The following TNNC1 variants were observed in gnomAD, a reference collection of about 807,000 sequenced individuals.
The protein encoded by TNNC1 is troponin C1, slow skeletal and cardiac type, also known as troponin C, slow skeletal and cardiac muscles.
A neutral mutation model predicts 19.6 loss-of-function variants in TNNC1; 10 were observed. The ratio of observed to expected loss-of-function variants is 0.51; its 90% CI spans 0.31 to 0.87. TNNC1 has a LOEUF of 0.87. Among genes scored for constraint, TNNC1 ranks in the 40% least tolerant of loss-of-function variants. TNNC1 has a pLI of 0.04. For synonymous variants in TNNC1, 85 were observed against 80.1 expected, an observed-to-expected ratio of 1.06 and a Z score of -0.33; for missense variants, 115 against 219.8, an observed-to-expected ratio of 0.52 and a Z score of 3.02.
In TNNC1 at chr3:52,452,557, T is replaced by C; in HGVS notation, c.25-44A>G. 2 of 1,606,658 alleles carry C rather than the reference T, an allele frequency of 1.2e-6. No homozygotes were observed. Among genetic ancestry groups the C allele is most frequent in the Non-Finnish European group, 1.7e-6 (2 of 1,176,098 alleles). On this transcript the variant is annotated intron_variant, in intron 1 of 5. Transcript: ENST00000232975. The surrounding 1 kb of genome is among the most constrained non-coding windows in gnomAD (Gnocchi z 5.2). ...CTCAAGGCTCAGACTCAGGTATAGC[T>C]GCTGCTGAGGAAACCAACCCATTCC...
chr3:52,453,922 C>T (rs1706368165), intron 1 of TNNC1, 70 bp downstream of exon 1: 1 of 1,538,592 alleles, frequency 6.5e-7, no homozygotes, highest in African/African-American at 1.4e-5. Context: ...GGCTACTAAC[C>T]CCGCACTCTC....
rs567327895 is a variant in TNNC1, at chr3:52,451,409, C to T, written c.436G>A (p.Gly146Ser). ...CGCTTACCATCATAGTCGATGCGGC[C>T]GTCGTTGTTCTTGTCTCCGTCCTTC... The part of the protein sequence containing the change: ...LMKDGDKNND[G>S]RIDYDEFLEF... Residue 146 changes from glycine to serine, a missense_variant, in exon 5 of 6, where the codon GGC becomes AGC. Physicochemically the swap from Gly to Ser is moderately conservative, Grantham distance 56. This residue lies in a region of TNNC1 where 96 missense variants were observed against 114.2 expected (regional missense o/e 0.84). Coordinates refer to ENST00000232975, the MANE Select transcript of TNNC1 (RefSeq NM_003280.3). This position sits in a 1 kb window ranked among gnomAD's most constrained non-coding sequence, Gnocchi z 4.8. 1.5e-5 allele frequency: 24 copies of T among 1,614,012 alleles called. No homozygotes were observed. Among genetic ancestry groups the T allele is most frequent in the South Asian group, 3.3e-5 (3 of 91,092 alleles).
In TNNC1 at chr3:52,452,360, T is replaced by C. The variant is rs138757305; in HGVS notation, c.56-108A>G. ...AACCTGCCCACCTCCCTCGGAGACC[T>C]CTCTGAGGGCAGAGCAAGAGGGACC... On this transcript the variant is annotated intron_variant, in intron 2 of 5. Coordinates refer to ENST00000232975, the MANE Select transcript of TNNC1 (RefSeq NM_003280.3). This position sits in a 1 kb window ranked among gnomAD's most constrained non-coding sequence, Gnocchi z 5.2. 5.5e-3 allele frequency: 8,718 copies of C among 1,591,042 alleles called. 63 individuals are homozygous for C. The highest frequency in any genetic ancestry group is 0.02 in the South Asian group (1,780 of 90,218).
Position 52,451,879 on chromosome 3 carries a change from C to A in TNNC1, c.203-21G>T. Reference sequence around the variant, plus strand: ...GCTGCCTGGGGGTGGGCAGCATGGCCGTTACAGAGGCCAGGGTAGGTACTG... The same window carrying A: ...GCTGCCTGGGGGTGGGCAGCATGGCAGTTACAGAGGCCAGGGTAGGTACTG... On this transcript the variant is annotated intron_variant, in intron 3 of 5. Coordinates refer to ENST00000232975, the MANE Select transcript of TNNC1 (RefSeq NM_003280.3). The surrounding 1 kb of genome is among the most constrained non-coding windows in gnomAD (Gnocchi z 4.8). The A allele has an allele frequency of 6.2e-7, 1 of 1,609,012 alleles. No individual in the cohort carries two copies. The highest frequency in any genetic ancestry group is 2.2e-5 in the East Asian group (1 of 44,858).
At position 52,452,203 on chromosome 3, in the gene TNNC1, G is replaced by A. The variant is rs1359525416; in HGVS notation, c.105C>T (p.Cys35=). The change falls in exon 3 of 6, where the codon TGC becomes TGT. Residue 35 remains cysteine (C), a synonymous_variant. Transcript: ENST00000232975. This position sits in a 1 kb window ranked among gnomAD's most constrained non-coding sequence, Gnocchi z 5.2. ...DIFVLGAEDG[C]ISTKELGKVM... The stretch of plus-strand genomic sequence containing the variant: ...CCTTGCCCAGCTCCTTGGTGCTGAT[G>A]CAGCCATCCTCAGCGCCCAGCACGA... The A allele has an allele frequency of 9.9e-6, 16 of 1,613,862 alleles. No homozygotes were observed. The highest frequency in any genetic ancestry group is 4.0e-5 in the African/African-American group (3 of 74,908).
intron 1 of TNNC1, among the ~76,000 whole-genome samples, chr3:52,453,607 G>C (rs1706360820): frequency 1.3e-5 from 2 of 152,174 alleles, no homozygotes; most frequent in Non-Finnish European, 2.9e-5. Flanking sequence ...GGGCAGAAAT[G>C]GGGGTTGGGG....
chr3:52,452,460 A>C lies in TNNC1; in HGVS notation c.55+23T>G. On this transcript the variant is annotated intron_variant, in intron 2 of 5. Coordinates refer to ENST00000232975, the MANE Select transcript of TNNC1 (RefSeq NM_003280.3). This position sits in a 1 kb window ranked among gnomAD's most constrained non-coding sequence, Gnocchi z 5.2. The stretch of plus-strand genomic sequence containing the variant: ...GCCAGCCTGGACCCGCTGGTCTCCC[A>C]CATGTGTGATAGGGATTCTCACCAT... 6.2e-7 allele frequency: 1 copy of C among 1,612,758 alleles called. No homozygotes were observed. The highest frequency in any genetic ancestry group is 8.5e-7 in the Non-Finnish European group (1 of 1,179,446).
At position 52,454,016 on chromosome 3, in the gene TNNC1, G is replaced by A. The variant is rs1706371506; in HGVS notation, c.-1C>T. ...CCGCAGCCTTGTAGATGTCATCCAT[G>A]CTGGCGGCTCACAGGACAGCTTGCT... On this transcript the variant is annotated 5_prime_UTR_variant, in exon 1 of 6. Transcript: ENST00000232975. 6.3e-7 allele frequency: 1 copy of A among 1,580,742 alleles called. No individual in the cohort carries two copies. The highest frequency in any genetic ancestry group is 8.6e-7 in the Non-Finnish European group (1 of 1,161,720).
intron 1 of TNNC1, among the ~76,000 whole-genome samples, chr3:52,453,137 C>A (rs1026312563): frequency 1.3e-5 from 2 of 152,222 alleles, no homozygotes; most frequent in African/African-American, 4.8e-5. Flanking sequence ...CCAGAGCTGG[C>A]TATAGCACTT....
In TNNC1 at chr3:52,453,963, CCCCAGCCCTA is replaced by C. The variant is rs1322568735; in HGVS notation, c.24+19_24+28del. 1 of 1,580,668 alleles carries C rather than the reference CCCCAGCCCTA, an allele frequency of 6.3e-7. No individual in the cohort carries two copies. Among genetic ancestry groups the C allele is most frequent in the Non-Finnish European group, 8.6e-7 (1 of 1,161,820 alleles). On this transcript the variant is annotated intron_variant, in intron 1 of 5. Coordinates refer to ENST00000232975, the MANE Select transcript of TNNC1 (RefSeq NM_003280.3). ...AGTGAGCCCCCAGTGGGCCTGCCCA[CCCCAGCCCTA>C]CCCAGCCCTGTCCCTCACCGCAGCC...
Position 52,452,413 on chromosome 3 carries a change from T to C in TNNC1, c.55+70A>G. The C allele has an allele frequency of 1.3e-6, 2 of 1,592,654 alleles. No individual in the cohort carries two copies. Among genetic ancestry groups the C allele is most frequent in the South Asian group, 2.2e-5 (2 of 89,730 alleles). On this transcript the variant is annotated intron_variant, in intron 2 of 5. Coordinates refer to ENST00000232975, the MANE Select transcript of TNNC1 (RefSeq NM_003280.3). The surrounding 1 kb of genome is among the most constrained non-coding windows in gnomAD (Gnocchi z 5.2). ...GCCTCTGGTCTCTGGCCTGGGGTCC[T>C]CTTCTGATAAGGGGTCCCCATGCCA...
At chr3:52,453,304 G>A (rs1706356649) in intron 1 of TNNC1, among the ~76,000 whole-genome samples, 2 of 152,140 alleles carry the variant, frequency 1.3e-5, no homozygotes, top group African/African-American at 4.8e-5. Flanking sequence ...CAGGGGCTTG[G>A]GGTGACCACT....
Position 52,452,542 on chromosome 3 carries a change from A to G in TNNC1, c.25-29T>C. 1 of 1,611,670 alleles carries G rather than the reference A, an allele frequency of 6.2e-7. No homozygotes were observed. The highest frequency in any genetic ancestry group is 8.5e-7 in the Non-Finnish European group (1 of 1,178,948). On this transcript the variant is annotated intron_variant, in intron 1 of 5. Coordinates refer to ENST00000232975, the MANE Select transcript of TNNC1 (RefSeq NM_003280.3). The surrounding 1 kb of genome is among the most constrained non-coding windows in gnomAD (Gnocchi z 5.2). ...GAAAGGAAAGGGAATCTCAAGGCTC[A>G]GACTCAGGTATAGCTGCTGCTGAGG...
rs1340746375 is a variant in TNNC1, at chr3:52,451,310, T to G, written c.455-4A>C. 2 of 1,613,794 alleles carry G rather than the reference T, an allele frequency of 1.2e-6. No individual in the cohort carries two copies. The highest frequency in any genetic ancestry group is 1.7e-6 in the Non-Finnish European group (2 of 1,179,914). On this transcript the variant is annotated splice_polypyrimidine_tract_variant and splice_region_variant and intron_variant, in intron 5 of 5. Transcript: ENST00000232975. This position sits in a 1 kb window ranked among gnomAD's most constrained non-coding sequence, Gnocchi z 4.8. ...CCCTTCATGAACTCCAGGAACTCTG[T>G]GGAAAGAGGGGCAGGTGTGGGTTGA...
intron 1 of TNNC1, 125 bp downstream of exon 1, chr3:52,453,867 T>C: frequency 1.7e-6 from 2 of 1,173,572 alleles, no homozygotes; most frequent in Non-Finnish European, 2.5e-6. Flanking sequence ...AGGGCCTGGG[T>C]TGAAGGCACG....
rs1167225439 is a variant in TNNC1 at position 52,451,766 on chromosome 3, C to T, written c.295G>A (p.Asp99Asn). ...SKGKSEEELS[D>N]LFRMFDKNAD... The stretch of plus-strand genomic sequence containing the variant: ...CACTTGTCAAACATGCGGAAGAGGT[C>T]AGACAGCTCCTCCTCAGATTTCCCT... Residue 99 changes from aspartate (D) to asparagine (N), a missense_variant, in exon 4 of 6, where the codon GAC becomes AAC. This residue lies in a region of TNNC1 where 96 missense variants were observed against 114.2 expected (regional missense o/e 0.84). Coordinates refer to ENST00000232975, the MANE Select transcript of TNNC1 (RefSeq NM_003280.3). The surrounding 1 kb of genome is among the most constrained non-coding windows in gnomAD (Gnocchi z 4.8). 6.2e-7 allele frequency: 1 copy of T among 1,614,078 alleles called. No homozygotes were observed. The highest frequency in any genetic ancestry group is 2.2e-5 in the East Asian group (1 of 44,870).
Position 52,452,469 on chromosome 3 carries a change from A to T in TNNC1, c.55+14T>A. On this transcript the variant is annotated intron_variant, in intron 2 of 5. Coordinates refer to ENST00000232975, the MANE Select transcript of TNNC1 (RefSeq NM_003280.3). This position sits in a 1 kb window ranked among gnomAD's most constrained non-coding sequence, Gnocchi z 5.2. ...GACCCGCTGGTCTCCCACATGTGTG[A>T]TAGGGATTCTCACCATTTTTCTGCT... The T allele has an allele frequency of 6.2e-7, 1 of 1,613,122 alleles. No homozygotes were observed. Among genetic ancestry groups the T allele is most frequent in the Middle Eastern group, 1.7e-4 (1 of 6,060 alleles).
Position 52,451,978 on chromosome 3 carries a change from T to G in TNNC1, c.203-120A>C. 3.2e-6 allele frequency: 5 copies of G among 1,553,282 alleles called. No homozygotes were observed. The highest frequency in any genetic ancestry group is 4.4e-6 in the Non-Finnish European group (5 of 1,128,248). Reference sequence around the variant, plus strand: ...ACCAAACGCCAGGCTTGTGTAGCCCTTATGCCCATTTTATAGATGAGGCAA... The same window carrying G: ...ACCAAACGCCAGGCTTGTGTAGCCCGTATGCCCATTTTATAGATGAGGCAA... On this transcript the variant is annotated intron_variant, in intron 3 of 5. Coordinates refer to ENST00000232975, the MANE Select transcript of TNNC1 (RefSeq NM_003280.3). The surrounding 1 kb of genome is among the most constrained non-coding windows in gnomAD (Gnocchi z 4.8).
Position 52,452,261 on chromosome 3 carries a change from A to G in TNNC1, c.56-9T>C, listed in dbSNP as rs727503497. On this transcript the variant is annotated splice_polypyrimidine_tract_variant and intron_variant, in intron 2 of 5. Coordinates refer to ENST00000232975, the MANE Select transcript of TNNC1 (RefSeq NM_003280.3). The surrounding 1 kb of genome is among the most constrained non-coding windows in gnomAD (Gnocchi z 5.2). ...GAAGGCTGCCTTGAACTCTGTGTTC[A>G]GGGGTTGGGGGGCACAGTAGTCAGG... 1.2e-5 allele frequency: 19 copies of G among 1,608,804 alleles called. No individual in the cohort carries two copies. The South Asian group carries it at 1.6e-4, about 14-fold the overall frequency.
Sources: allele counts gnomAD v4.1 joint callset (sites outside exome capture counted in the v4.1 genomes callset), GRCh38; gene constraint gnomAD v4.1.1; regional missense constraint gnomAD v4.1.1; non-coding constraint Gnocchi (gnomAD v3.1); transcripts MANE v1.5; gene names NCBI Gene and HGNC (gene_info 2026-07-23, HGNC 2026-07-21).